TMOD1: variants seen among roughly 807,000 people sequenced by gnomAD.
TMOD1 encodes tropomodulin-1.
Under a neutral mutation model 40.6 loss-of-function variants are expected in TMOD1, and 17 were observed. The ratio of observed to expected loss-of-function variants is 0.42; its 90% confidence interval spans 0.29 to 0.63. The LOEUF is 0.63. Among genes scored for constraint, TMOD1 ranks in the 20% least tolerant of loss-of-function variants. The pLI is 0.22. For missense variants in TMOD1, 391 were observed against 447.6 expected, an observed-to-expected ratio of 0.87 and a Z score of 1.14; for synonymous variants, 181 against 175.0, an observed-to-expected ratio of 1.03 and a Z score of -0.27.
intron 4 of TMOD1, among the ~76,000 whole-genome samples, chr9:97,554,156 G>C (rs1830498160): frequency 7.5e-6 from 1 of 132,936 alleles, no homozygotes; most frequent in South Asian, 2.8e-4. Context: ...CTTGGAGACT[G>C]CTAATCATAG....
At chr9:97,539,544 T>C (rs930108870) in intron 2 of TMOD1, among the ~76,000 whole-genome samples, 38 of 152,232 alleles carry the variant, frequency 2.5e-4, no homozygotes, top group African/African-American at 8.9e-4. Flanking sequence ...TGCCTCAGCA[T>C]TCCATGACCA....
intron 4 of TMOD1, among the ~76,000 whole-genome samples, chr9:97,559,809 A>ATG (rs1830603886): frequency 1.5e-5 from 1 of 67,680 alleles, no homozygotes; most frequent in Non-Finnish European, 2.8e-5. Flanking sequence ...ATATATATAT[A>ATG]TATATATATA....
At chr9:97,574,874 T>C (rs1223507721) in intron 8 of TMOD1, among the ~76,000 whole-genome samples, 1 of 152,202 alleles carries the variant, frequency 6.6e-6, no homozygotes, top group South Asian at 2.1e-4. Flanking sequence ...TGGAGAACTT[T>C]TGTGTCTAGC....
Position 97,601,313 on chromosome 9 carries a change from C to T in TMOD1, c.*1615C>T, listed in dbSNP as rs889746689. ...CAGGGACATGTGCCTGGCACACTGG[C>T]CAGAAGACTGGGCAGCCACCATGGC... is the stretch of plus-strand genomic sequence containing the variant. On this transcript the variant is annotated 3_prime_UTR_variant, in exon 10 of 10. Coordinates refer to ENST00000259365, the MANE Select transcript of TMOD1 (RefSeq NM_003275.4). 6 of 1,158,360 alleles carry T rather than the reference C, an allele frequency of 5.2e-6. No individual in the cohort carries two copies. Among genetic ancestry groups the T allele is most frequent in the Non-Finnish European group, 6.5e-6 (6 of 921,854 alleles). 71.8% of individuals were successfully genotyped at this position (1,158,360 alleles called of 1,614,324 possible). A position where few individuals can be genotyped will look rare whatever the true frequency, so the allele number is the denominator to read the frequency against.
At position 97,509,512 on chromosome 9, in the gene TMOD1, G is replaced by GTT. The variant is rs1336296792; in HGVS notation, c.-49+7714_-49+7715dup. On this transcript the variant is annotated intron_variant, in intron 1 of 9. Transcript: ENST00000259365. Reference sequence around the variant, plus strand: ...TTCGCTAATAGAGGTTTTTTTTTTTGTTTTTTGTTTTTTTTTTAGACAAGG... The same window carrying GTT: ...TTCGCTAATAGAGGTTTTTTTTTTTGTTTTTTTTGTTTTTTTTTTAGACAAGG... Among the ~76,000 whole-genome samples, 128 of 106,110 alleles carry GTT rather than the reference G, an allele frequency of 1.2e-3. 5 individuals are homozygous for GTT. Among genetic ancestry groups the GTT allele is most frequent in the African/African-American group, 3.9e-3 (115 of 29,542 alleles). 69.6% of individuals were successfully genotyped at this position (106,110 alleles called of 152,430 possible). A position where few individuals can be genotyped will look rare whatever the true frequency, so the allele number is the denominator to read the frequency against.
intron 2 of TMOD1, among the ~76,000 whole-genome samples, chr9:97,527,965 G>A (rs898326961): frequency 3.4e-4 from 52 of 152,188 alleles, no homozygotes; most frequent in African/African-American, 1.2e-3. Flanking sequence ...AGAGCCAAGC[G>A]ACAGACCTGG....
chr9:97,592,833 T>C (rs1437455509), intron 9 of TMOD1, among the ~76,000 whole-genome samples: 1 of 152,238 alleles, frequency 6.6e-6, no homozygotes, highest in East Asian at 1.9e-4. Context: ...CAGGAGCTAT[T>C]CATTCATTGC....
At chr9:97,506,892 T>A (rs536465458) in intron 1 of TMOD1, among the ~76,000 whole-genome samples, 3 of 152,266 alleles carry the variant, frequency 2.0e-5, no homozygotes, top group Non-Finnish European at 4.4e-5. Context: ...AGATGGGGCT[T>A]GAGAGTCTGA....
At position 97,562,027 on chromosome 9, in the gene TMOD1, G is replaced by A. The variant is rs532254921; in HGVS notation, c.398-705G>A. The stretch of plus-strand genomic sequence containing the variant: ...CCAGCACACTTTCAGCTCCATGAGC[G>A]GAGACCCAGTCTTTCTTATTCTCCA... On this transcript the variant is annotated intron_variant, in intron 4 of 9. Transcript: ENST00000259365. Among the ~76,000 whole-genome samples, 7 of 152,278 alleles carry A rather than the reference G, an allele frequency of 4.6e-5. No individual in the cohort carries two copies. In the East Asian group the frequency reaches 9.6e-4, roughly 21 times the overall value.
intron 3 of TMOD1, among the ~76,000 whole-genome samples, chr9:97,547,154 G>C (rs1000397240): frequency 6.6e-6 from 1 of 152,206 alleles, no homozygotes; most frequent in Non-Finnish European, 1.5e-5. Context: ...CCAGGAAACA[G>C]AGAGGGCCTC....
chr9:97,505,173 A>G (rs947207504), intron 1 of TMOD1, among the ~76,000 whole-genome samples: 3 of 152,104 alleles, frequency 2.0e-5, no homozygotes, highest in Admixed American at 2.0e-4. Flanking sequence ...GATCTGAAAA[A>G]CTAAACAAAC....
rs1036799190 is a variant in TMOD1, at chr9:97,601,213, G to A, written c.*1515G>A. On this transcript the variant is annotated 3_prime_UTR_variant, in exon 10 of 10. Coordinates refer to ENST00000259365, the MANE Select transcript of TMOD1 (RefSeq NM_003275.4). The stretch of plus-strand genomic sequence containing the variant: ...CACAATTGCAGCTGCATTCTGCATC[G>A]CTGAAAACTGCAATATAATATTAAA... The A allele has an allele frequency of 2.8e-5, 36 of 1,283,202 alleles. No homozygotes were observed. Among genetic ancestry groups the A allele is most frequent in the Non-Finnish European group, 3.5e-5 (34 of 977,436 alleles). The allele number at this position is 1,283,202 out of a possible 1,614,324, so 79.5% of individuals were successfully genotyped here.
intron 1 of TMOD1, among the ~76,000 whole-genome samples, chr9:97,521,121 G>T (rs1829908692): frequency 6.6e-6 from 1 of 152,190 alleles, no homozygotes; most frequent in Non-Finnish European, 1.5e-5. Context: ...CCCTTCTTGT[G>T]TGGTTCTGAT....
chr9:97,555,738 A>C, intron 4 of TMOD1: 1 of 1,475,908 alleles, frequency 6.8e-7, no homozygotes, highest in Non-Finnish European at 9.3e-7. Flanking sequence ...ACCTTATTGC[A>C]TTTATTGACC....
rs761478048 is a variant in TMOD1 at position 97,524,370 on chromosome 9, G to A, written c.120+62G>A. 80 of 1,569,654 alleles carry A rather than the reference G, an allele frequency of 5.1e-5. No individual in the cohort carries two copies. The Middle Eastern group carries it at 7.8e-4, about 15-fold the overall frequency. On this transcript the variant is annotated intron_variant, in intron 2 of 9. Coordinates refer to ENST00000259365, the MANE Select transcript of TMOD1 (RefSeq NM_003275.4). ...CGAGGGGACCTGGGGAGGGACAGGT[G>A]GATGCTTCCTAAAGCCACCACTTCC...
intron 8 of TMOD1, among the ~76,000 whole-genome samples, chr9:97,586,007 T>C (rs1825863940): frequency 6.6e-6 from 1 of 151,756 alleles, no homozygotes. Flanking sequence ...TCTCAGCTCG[T>C]GAAAGTCATT....
chr9:97,553,178 GAGGGACCCAC>G (rs1830478727), intron 3 of TMOD1, 93 bp from the exon 4 acceptor site: 3 of 1,540,160 alleles, frequency 1.9e-6, no homozygotes, highest in Non-Finnish European at 2.7e-6. Context: ...TCTCAGCATG[GAGGGACCCAC>G]AGGGCTCTAC....
rs1284999662 is a variant in TMOD1, at chr9:97,502,899, C to T, written c.-49+1096C>T. Reference sequence around the variant, plus strand: ...CTGGCCACAGTTTCCCGGTCTATATCGGGCCTATGATGCGTCCTCCAACCT... The same window carrying T: ...CTGGCCACAGTTTCCCGGTCTATATTGGGCCTATGATGCGTCCTCCAACCT... On this transcript the variant is annotated intron_variant, in intron 1 of 9. Transcript: ENST00000259365. The surrounding 1 kb of genome is among the most constrained non-coding windows in gnomAD (Gnocchi z 6.1). Among the ~76,000 whole-genome samples the T allele has an allele frequency of 3.3e-5, 5 of 152,254 alleles. No homozygotes were observed. In the East Asian group the frequency reaches 9.7e-4, roughly 29 times the overall value.
Position 97,591,453 on chromosome 9 carries a change from T to A in TMOD1, c.1015+18T>A. The A allele has an allele frequency of 6.2e-7, 1 of 1,612,100 alleles. No individual in the cohort carries two copies. The highest frequency in any genetic ancestry group is 8.5e-7 in the Non-Finnish European group (1 of 1,178,818). On this transcript the variant is annotated intron_variant, in intron 9 of 9. Coordinates refer to ENST00000259365, the MANE Select transcript of TMOD1 (RefSeq NM_003275.4). ...TGACCTTGGTGAGTAGAAATATGCT[T>A]CCTGCCCTGCCCGCAGTCCTGTTAT...
Sources: allele counts gnomAD v4.1 joint callset (sites outside exome capture counted in the v4.1 genomes callset), GRCh38; gene constraint gnomAD v4.1.1; non-coding constraint Gnocchi (gnomAD v3.1); transcripts MANE v1.5; gene names NCBI Gene and HGNC (gene_info 2026-07-23, HGNC 2026-07-21).